PDE7B: variants seen among roughly 807,000 people sequenced by gnomAD.
PDE7B encodes phosphodiesterase 7B, also known as 3',5'-cyclic-AMP phosphodiesterase 7B.
A neutral mutation model predicts 56.2 loss-of-function variants in PDE7B; 29 were observed. The ratio of observed to expected loss-of-function variants is 0.52; its 90% confidence interval spans 0.38 to 0.70. The LOEUF (loss-of-function observed/expected upper bound fraction) is 0.70, where lower values mean the gene tolerates loss of function less well. Ranked by LOEUF, PDE7B falls within the 30% of genes least tolerant of loss-of-function variation. The probability of loss-of-function intolerance (pLI) is 0.00; values close to 1 mark genes in which losing one functional copy is unlikely to be tolerated. For synonymous variants in PDE7B, 197 were observed against 196.9 expected (o/e 1.00, Z 0.00); for missense variants, 490 against 565.0 (o/e 0.87, Z 1.35).
intron 8 of PDE7B, among the ~76,000 whole-genome samples, chr6:136,166,577 C>A (rs1778797125): frequency 6.6e-6 from 1 of 152,058 alleles, no homozygotes; most frequent in African/African-American, 2.4e-5. Context: ...AGAGTGAGGG[C>A]AAGGTGCTAC....
chr6:136,122,997 T>C lies in PDE7B; in HGVS notation c.166+14183T>C, dbSNP rs1777962564. ...ACTCCATTCGTATTTACTGAGCACC[T>C]ATGTGTCAGGCGCTCTTCTAATTGC... is the stretch of plus-strand genomic sequence containing the variant. On this transcript the variant is annotated intron_variant, in intron 3 of 12. Coordinates refer to ENST00000308191, the MANE Select transcript of PDE7B (RefSeq NM_018945.4). 2.0e-5 allele frequency among the ~76,000 whole-genome samples: 3 copies of C among 152,216 alleles called. No individual in the cohort carries two copies. In the South Asian group the frequency reaches 6.2e-4, roughly 31 times the overall value.
intron 2 of PDE7B, among the ~76,000 whole-genome samples, chr6:136,054,412 A>G (rs932145216): frequency 6.6e-6 from 1 of 152,090 alleles, no homozygotes; most frequent in African/African-American, 2.4e-5. Flanking sequence ...TCATTGGTCT[A>G]TATCTCTGTT....
intron 2 of PDE7B, among the ~76,000 whole-genome samples, chr6:135,984,210 C>T (rs768967453): frequency 2.6e-5 from 4 of 152,280 alleles, no homozygotes; most frequent in East Asian, 1.9e-4. Flanking sequence ...TTAGGAGTGA[C>T]GCATATTGGA....
chr6:136,156,202 T>TGTGTGTGTGTGTGTGTGTG (rs1562508366), intron 8 of PDE7B: 45 of 324,646 alleles, frequency 1.4e-4, no homozygotes, highest in Admixed American at 6.2e-4. Context: ...TGTGTGTGTG[T>TGTGTGTGTGTGTGTGTGTG]TTTCAGAAAC....
intron 2 of PDE7B, among the ~76,000 whole-genome samples, chr6:135,995,413 A>T (rs1313794527): frequency 6.6e-6 from 1 of 152,240 alleles, no homozygotes; most frequent in Non-Finnish European, 1.5e-5. Flanking sequence ...TCTGAAGGAG[A>T]TAAAAATAGT....
chr6:136,043,392 G>C (rs183404925), intron 2 of PDE7B, among the ~76,000 whole-genome samples: 1 of 151,894 alleles, frequency 6.6e-6, no homozygotes, highest in Non-Finnish European at 1.5e-5. Flanking sequence ...GAGGCTAAGG[G>C]TGCCAGAGTG....
intron 1 of PDE7B, among the ~76,000 whole-genome samples, chr6:135,936,237 A>G (rs1774418182): frequency 6.6e-6 from 1 of 152,244 alleles, no homozygotes; most frequent in Admixed American, 6.5e-5. Flanking sequence ...GTAAATATTC[A>G]TTCAGTTACA....
chr6:136,027,952 A>G (rs1192595790), intron 2 of PDE7B, among the ~76,000 whole-genome samples: 1 of 152,330 alleles, frequency 6.6e-6, no homozygotes, highest in East Asian at 1.9e-4. Context: ...ACTAATTTGG[A>G]TATATTGCAT....
intron 1 of PDE7B, among the ~76,000 whole-genome samples, chr6:135,905,338 GTGTGTGTGTA>G (rs995152258): frequency 4.4e-5 from 5 of 113,980 alleles, no homozygotes; most frequent in East Asian, 5.2e-4. Context: ...ATACATGCGT[GTGTGTGTGTA>G]TGTGTGTGTG....
At chr6:136,069,164 A>AATT (rs1377406657) in intron 2 of PDE7B, among the ~76,000 whole-genome samples, 2 of 152,132 alleles carry the variant, frequency 1.3e-5, no homozygotes, top group Admixed American at 6.5e-5. Flanking sequence ...GGGGGCTTAG[A>AATT]ATTTTATTTA....
intron 2 of PDE7B, among the ~76,000 whole-genome samples, chr6:136,040,684 G>A (rs902548431): frequency 3.7e-4 from 57 of 152,108 alleles, no homozygotes; most frequent in Admixed American, 3.0e-3. Context: ...AGCAAGACAC[G>A]GTGCTCCCTC....
chr6:136,141,213 A>G (rs1200825021), intron 3 of PDE7B, among the ~76,000 whole-genome samples: 1 of 152,118 alleles, frequency 6.6e-6, no homozygotes, highest in Admixed American at 6.5e-5. Context: ...TTCTGCGTCT[A>G]TTGAGATAAT....
chr6:136,034,263 C>T (rs2128209263), intron 2 of PDE7B: 1 of 152,224 alleles, frequency 6.6e-6, no homozygotes, highest in East Asian at 1.9e-4. Flanking sequence ...CCATAGTCTA[C>T]AAGATTTTTA....
chr6:136,030,754 G>GC (rs1776234505), intron 2 of PDE7B, among the ~76,000 whole-genome samples: 2 of 152,216 alleles, frequency 1.3e-5, no homozygotes, highest in Admixed American at 6.5e-5. Context: ...AAGACTCAGA[G>GC]CCTTGCCTGT....
At chr6:136,136,466 C>T (rs1778213066) in intron 3 of PDE7B, among the ~76,000 whole-genome samples, 1 of 151,904 alleles carries the variant, frequency 6.6e-6, no homozygotes, top group South Asian at 2.1e-4. Flanking sequence ...CCACACGAGG[C>T]ACAACTGAGT....
intron 1 of PDE7B, among the ~76,000 whole-genome samples, chr6:135,865,693 C>T (rs1416186151): frequency 6.7e-6 from 1 of 150,274 alleles, no homozygotes. Context: ...AGAGAAATTA[C>T]TTGAGGCCTA....
chr6:136,021,437 G>A (rs1465883653), intron 2 of PDE7B, among the ~76,000 whole-genome samples: 6 of 152,114 alleles, frequency 3.9e-5, no homozygotes. Context: ...CTGAGGTCGG[G>A]AGTTCGAGAC....
intron 1 of PDE7B, among the ~76,000 whole-genome samples, chr6:135,924,868 G>A (rs1774156565): frequency 6.6e-6 from 1 of 151,090 alleles, no homozygotes; most frequent in African/African-American, 2.4e-5. Context: ...AGGTTGAGTG[G>A]GTAGGTTGGT....
intron 1 of PDE7B, among the ~76,000 whole-genome samples, chr6:135,907,153 G>A (rs1170148705): frequency 6.6e-6 from 1 of 152,094 alleles, no homozygotes; most frequent in Non-Finnish European, 1.5e-5. Flanking sequence ...ACAGCTTTCT[G>A]CTGCTGCTTT....
Sources: allele counts gnomAD v4.1 joint callset (sites outside exome capture counted in the v4.1 genomes callset), GRCh38; gene constraint gnomAD v4.1.1; transcripts MANE v1.5; gene names NCBI Gene and HGNC (gene_info 2026-07-23, HGNC 2026-07-21).